Variants in THSD7A observed in about 807,000 individuals in gnomAD.
THSD7A encodes the protein thrombospondin type 1 domain containing 7A.
A neutral mutation model predicts 231.3 loss-of-function variants in THSD7A; 96 were observed. The observed-to-expected ratio is 0.41, with a 90% confidence interval of 0.35 to 0.49. THSD7A has a LOEUF of 0.49. Among genes scored for constraint, THSD7A ranks in the 20% least tolerant of loss-of-function variants. The probability of loss-of-function intolerance (pLI) is 0.05; values close to 1 mark genes in which losing one functional copy is unlikely to be tolerated. For synonymous variants in THSD7A, 940 were observed against 743.3 expected (o/e 1.26, Z -4.30); for missense variants, 2,290 against 2,070.2 (o/e 1.11, Z -2.06).
At position 11,429,071 on chromosome 7, in the gene THSD7A, T is replaced by G. The variant is rs1784405044; in HGVS notation, c.3119A>C (p.Glu1040Ala). Reference sequence around the variant, plus strand: ...GCTGCAGCGCGACCAGTTGGACCACTCACTGAGCTTGCAGTCTGAGGGGCA... The same window carrying G: ...GCTGCAGCGCGACCAGTTGGACCACGCACTGAGCTTGCAGTCTGAGGGGCA... Reference protein sequence around the residue: ...IPCPSDCKLSEWSNWSRCSKS... With the variant: ...IPCPSDCKLSAWSNWSRCSKS... Residue 1040 changes from glutamate (E) to alanine (A), a missense_variant, in exon 14 of 28, where the codon GAG (glutamate) becomes GCG (alanine). Transcript: ENST00000423059. The G allele has an allele frequency of 6.2e-7, 1 of 1,612,004 alleles. No individual in the cohort carries two copies. The highest frequency in any genetic ancestry group is 1.3e-5 in the African/African-American group (1 of 74,826).
At chr7:11,607,421 G>C (rs981599859) in intron 2 of THSD7A, among the ~76,000 whole-genome samples, 4 of 151,976 alleles carry the variant, frequency 2.6e-5, no homozygotes, top group Admixed American at 1.3e-4. Context: ...TCCATATGGT[G>C]AAATGATATT....
At chr7:11,425,561 T>G (rs1446968127) in intron 15 of THSD7A, among the ~76,000 whole-genome samples, 1 of 150,968 alleles carries the variant, frequency 6.6e-6, no homozygotes, top group Non-Finnish European at 1.5e-5. Context: ...TGGTTTCAGG[T>G]TTTTTTTTAG....
In THSD7A at chr7:11,444,764, G is replaced by A. The variant is rs1784909447; in HGVS notation, c.3064+1297C>T. ...TTAAAGTATAACAAAAAAAAAGAGA[G>A]GGGGCACAGTTGTCTGCTCTGTGTG... On this transcript the variant is annotated intron_variant, in intron 13 of 27. Coordinates refer to ENST00000423059, the MANE Select transcript of THSD7A (RefSeq NM_015204.3). The surrounding 1 kb of genome is among the most constrained non-coding windows in gnomAD (Gnocchi z 4.2). Among the ~76,000 whole-genome samples the A allele has an allele frequency of 6.7e-6, 1 of 148,190 alleles. No homozygotes were observed. The highest frequency in any genetic ancestry group is 6.8e-5 in the Admixed American group (1 of 14,724).
intron 1 of THSD7A, among the ~76,000 whole-genome samples, chr7:11,703,350 T>C (rs1009333543): frequency 1.3e-5 from 2 of 151,270 alleles, no homozygotes; most frequent in African/African-American, 4.8e-5. Context: ...TATTTATTAT[T>C]TCTTCTTTGC....
At chr7:11,682,936 A>G (rs746786572) in intron 1 of THSD7A, among the ~76,000 whole-genome samples, 78 of 152,070 alleles carry the variant, frequency 5.1e-4, no homozygotes, top group Admixed American at 7.9e-4. Context: ...CAGCCTGGCC[A>G]AGATAGTGAA....
At chr7:11,765,786 T>C (rs373337018) in intron 1 of THSD7A, among the ~76,000 whole-genome samples, 1 of 152,046 alleles carries the variant, frequency 6.6e-6, no homozygotes, top group African/African-American at 2.4e-5. Context: ...GTTCTGTCCA[T>C]TGCAGCCTGT....
At chr7:11,735,305 T>G (rs1214615237) in intron 1 of THSD7A, among the ~76,000 whole-genome samples, 1 of 151,822 alleles carries the variant, frequency 6.6e-6, no homozygotes, top group Non-Finnish European at 1.5e-5. Flanking sequence ...AACAATATAA[T>G]TACAGGTTGA....
intron 1 of THSD7A, among the ~76,000 whole-genome samples, chr7:11,657,381 C>T (rs184224273): frequency 4.0e-5 from 6 of 151,646 alleles, no homozygotes; most frequent in African/African-American, 7.2e-5. Context: ...ACAGCAAGTA[C>T]GGGCTGTGTA....
At chr7:11,711,212 T>A (rs1780951475) in intron 1 of THSD7A, among the ~76,000 whole-genome samples, 1 of 150,918 alleles carries the variant, frequency 6.6e-6, no homozygotes, top group African/African-American at 2.4e-5. Flanking sequence ...GATACTTTTG[T>A]GCCAGAGTCA....
chr7:11,508,648 T>G (rs1398075613), intron 6 of THSD7A, among the ~76,000 whole-genome samples: 1 of 152,244 alleles, frequency 6.6e-6, no homozygotes, highest in Non-Finnish European at 1.5e-5. Flanking sequence ...AGCACTACCA[T>G]GTTCATTGAA....
chr7:11,459,843 A>G (rs1029155886), intron 11 of THSD7A, among the ~76,000 whole-genome samples: 9 of 151,934 alleles, frequency 5.9e-5, no homozygotes, highest in Non-Finnish European at 1.2e-4. Flanking sequence ...GTAACTACAC[A>G]TGGGAGAGCA....
At chr7:11,499,787 A>G (rs1293899435) in intron 6 of THSD7A, among the ~76,000 whole-genome samples, 1 of 152,238 alleles carries the variant, frequency 6.6e-6, no homozygotes, top group African/African-American at 2.4e-5. Flanking sequence ...TTAAAAAGGG[A>G]TAATCAAAAC....
At chr7:11,441,350 G>C (rs768076325) in intron 13 of THSD7A, among the ~76,000 whole-genome samples, 1 of 151,982 alleles carries the variant, frequency 6.6e-6, no homozygotes, top group Non-Finnish European at 1.5e-5. Flanking sequence ...CTGAGGGGTG[G>C]CACAATACCA....
chr7:11,590,529 G>C lies in THSD7A; in HGVS notation c.1384C>G (p.Arg462Gly). The part of the protein sequence containing the change: ...TALCGGGIQT[R>G]EVYCVQANEN... Reference sequence around the variant, plus strand: ...TTGGCCTGCACGCAGTACACCTCTCGGGTCTGGATGCCCCCTCCACAGAGG... The same window carrying C: ...TTGGCCTGCACGCAGTACACCTCTCCGGTCTGGATGCCCCCTCCACAGAGG... The change falls in exon 4 of 28, where the codon CGA (arginine) becomes GGA (glycine). Residue 462 changes from arginine to glycine, a missense_variant. Physicochemically the swap from Arg to Gly is moderately radical, Grantham distance 125 (BLOSUM62 -2). Transcript: ENST00000423059. The surrounding 1 kb of genome is among the most constrained non-coding windows in gnomAD (Gnocchi z 4.4). 1 of 1,613,892 alleles carries C rather than the reference G, an allele frequency of 6.2e-7. No individual in the cohort carries two copies. The highest frequency in any genetic ancestry group is 8.5e-7 in the Non-Finnish European group (1 of 1,179,856).
intron 1 of THSD7A, among the ~76,000 whole-genome samples, chr7:11,751,711 G>A (rs1228028119): frequency 6.6e-6 from 1 of 151,906 alleles, no homozygotes; most frequent in Non-Finnish European, 1.5e-5. Context: ...CAAAGTTTTA[G>A]ACTTTACGGT....
At chr7:11,696,882 A>T (rs1316581444) in intron 1 of THSD7A, among the ~76,000 whole-genome samples, 1 of 151,480 alleles carries the variant, frequency 6.6e-6, no homozygotes, top group African/African-American at 2.4e-5. Flanking sequence ...ATGAAACATG[A>T]GTTCAGTTCT....
At chr7:11,495,285 A>G (rs1787053195) in intron 6 of THSD7A, among the ~76,000 whole-genome samples, 1 of 152,080 alleles carries the variant, frequency 6.6e-6, no homozygotes. Context: ...TCATATTTTT[A>G]TAATATGTGG....
rs527305978 is a variant in THSD7A at position 11,382,679 on chromosome 7, T to C, written c.4412-63A>G. 10 of 1,201,320 alleles carry C rather than the reference T, an allele frequency of 8.3e-6. No homozygotes were observed. In the African/African-American group the frequency reaches 1.5e-4, roughly 18 times the overall value. 74.4% of individuals were successfully genotyped at this position (1,201,320 alleles called of 1,614,324 possible). A position where few individuals can be genotyped will look rare whatever the true frequency, so the allele number is the denominator to read the frequency against. ...TTACCCAGAAGGACAATCATGGGGA[T>C]AGAGTATTAATAACATATTACTGAA... is the stretch of plus-strand genomic sequence containing the variant. On this transcript the variant is annotated intron_variant, in intron 23 of 27. Coordinates refer to ENST00000423059, the MANE Select transcript of THSD7A (RefSeq NM_015204.3).
intron 1 of THSD7A, among the ~76,000 whole-genome samples, chr7:11,757,690 G>A (rs762641726): frequency 8.6e-5 from 13 of 151,856 alleles, no homozygotes; most frequent in Non-Finnish European, 1.3e-4. Context: ...TATAAGTTCT[G>A]TTTTTTGATT....
Sources: gnomAD v4.1 joint callset for allele counts (sites outside exome capture counted in the v4.1 genomes callset) on GRCh38, gnomAD v4.1.1 for gene constraint, Gnocchi (gnomAD v3.1) non-coding constraint, MANE v1.5 for transcripts, NCBI Gene and HGNC (gene_info 2026-07-23, HGNC 2026-07-21) for gene names.